DSCAM: variants seen among roughly 807,000 people sequenced by gnomAD.
The protein encoded by DSCAM is DS cell adhesion molecule.
In DSCAM, 47 loss-of-function variants were observed where a neutral mutation model predicts 217.7. The ratio of observed to expected loss-of-function variants is 0.22; its 90% CI spans 0.17 to 0.28. The LOEUF is 0.28. Ranked by LOEUF, DSCAM falls within the 10% of genes least tolerant of loss-of-function variation. The probability of loss-of-function intolerance (pLI) is 1.00; values close to 1 mark genes in which losing one functional copy is unlikely to be tolerated. For synonymous variants in DSCAM, 1,056 were observed against 1,015.3 expected (o/e 1.04, Z -0.76); for missense variants, 2,080 against 2,618.3 (o/e 0.79, Z 4.49).
intron 16 of DSCAM, among the ~76,000 whole-genome samples, chr21:40,157,425 G>C (rs1014088963): frequency 8.5e-5 from 13 of 152,220 alleles, no homozygotes; most frequent in African/African-American, 2.4e-4. Flanking sequence ...GAGAAAGGTT[G>C]ACAGGAGAGG....
At chr21:40,109,527 G>A (rs1212466603) in intron 20 of DSCAM, among the ~76,000 whole-genome samples, 1 of 152,192 alleles carries the variant, frequency 6.6e-6, no homozygotes, top group Admixed American at 6.5e-5. Flanking sequence ...ATTTCCAACT[G>A]AGGTACCGGG....
rs2089544533 is a variant in DSCAM, at chr21:40,087,205, C to T, written c.3933G>A (p.Gly1311=). ...KDIVLPCKAV[G]DPSPAVKWMK... is the part of the protein sequence containing the mutation. ...TCCATTTGACTGCAGGAGAAGGGTC[C>T]CCAACAGCCTTACAAGGCAAGACAA... Residue 1311 remains glycine, a synonymous_variant, in exon 22 of 33, where the codon GGG becomes GGA. Coordinates refer to ENST00000400454, the MANE Select transcript of DSCAM (RefSeq NM_001389.5). 1 of 1,613,922 alleles carries T rather than the reference C, an allele frequency of 6.2e-7. No individual in the cohort carries two copies. The highest frequency in any genetic ancestry group is 8.5e-7 in the Non-Finnish European group (1 of 1,179,980).
At chr21:40,250,915 C>T (rs1002125508) in intron 11 of DSCAM, among the ~76,000 whole-genome samples, 32 of 152,202 alleles carry the variant, frequency 2.1e-4, no homozygotes, top group Admixed American at 1.6e-3. Context: ...TCCTTCTTGG[C>T]GTCTTTCCCT....
At chr21:40,485,333 C>G (rs1259692502) in intron 3 of DSCAM, among the ~76,000 whole-genome samples, 2 of 151,196 alleles carry the variant, frequency 1.3e-5, no homozygotes, top group African/African-American at 2.4e-5. Context: ...AGCTCCGCCT[C>G]CCAGGTTCAC....
chr21:40,088,295 G>A (rs1264347723), intron 21 of DSCAM, among the ~76,000 whole-genome samples: 2 of 152,128 alleles, frequency 1.3e-5, no homozygotes, highest in African/African-American at 4.8e-5. Context: ...GGACAAATGT[G>A]AGACCCCTGC....
At chr21:40,595,408 G>C (rs2077014181) in intron 3 of DSCAM, among the ~76,000 whole-genome samples, 1 of 151,804 alleles carries the variant, frequency 6.6e-6, no homozygotes, top group African/African-American at 2.4e-5. Context: ...AGGAAGGAAG[G>C]AAGGAAAAGA....
chr21:40,240,349 GTTTTTTTTTTT>G (rs749073872), intron 11 of DSCAM, among the ~76,000 whole-genome samples: 11 of 57,722 alleles, frequency 1.9e-4, no homozygotes, highest in East Asian at 4.6e-4. Flanking sequence ...TTCCTCACTG[GTTTTTTTTTTT>G]TTTTTTTTTT....
intron 3 of DSCAM, among the ~76,000 whole-genome samples, chr21:40,664,381 A>G (rs953247230): frequency 1.8e-4 from 27 of 152,144 alleles, no homozygotes; most frequent in African/African-American, 6.5e-4. Context: ...CAATATCAGA[A>G]ATTGAGGAGG....
intron 3 of DSCAM, among the ~76,000 whole-genome samples, chr21:40,611,897 A>G (rs1372278708): frequency 1.3e-5 from 2 of 152,258 alleles, no homozygotes; most frequent in African/African-American, 4.8e-5. Context: ...ACTAAGTGAC[A>G]TTTAAACAGA....
rs114535177 is a variant in DSCAM at position 40,219,878 on chromosome 21, T to G, written c.2357-30640A>C. Among the ~76,000 whole-genome samples the G allele has an allele frequency of 4.4e-3, 673 of 152,338 alleles. 7 individuals are homozygous for G. The highest frequency in any genetic ancestry group is 0.016 in the African/African-American group (652 of 41,582). The stretch of plus-strand genomic sequence containing the variant: ...GGTAGAAATCTTACATATGTTTACT[T>G]TTGTTATATATACACCAAATAGCAT... On this transcript the variant is annotated intron_variant, in intron 11 of 32. Coordinates refer to ENST00000400454, the MANE Select transcript of DSCAM (RefSeq NM_001389.5).
intron 16 of DSCAM, among the ~76,000 whole-genome samples, chr21:40,150,453 TTTAAA>T (rs1209345515): frequency 1.3e-5 from 2 of 152,248 alleles, no homozygotes; most frequent in African/African-American, 4.8e-5. Context: ...TAGAAATGCA[TTTAAA>T]TTAAAGAAAT....
chr21:40,202,912 A>G (rs1308173368), intron 11 of DSCAM, among the ~76,000 whole-genome samples: 1 of 152,242 alleles, frequency 6.6e-6, no homozygotes, highest in African/African-American at 2.4e-5. Flanking sequence ...CTATGCTAGT[A>G]TCAAGGACAT....
intron 3 of DSCAM, among the ~76,000 whole-genome samples, chr21:40,531,186 T>C (rs2076443598): frequency 6.6e-6 from 1 of 152,166 alleles, no homozygotes; most frequent in African/African-American, 2.4e-5. Flanking sequence ...CAGGACATGG[T>C]GGTTTACAGT....
At chr21:40,194,141 C>G (rs2837483) in intron 11 of DSCAM, among the ~76,000 whole-genome samples, 60,333 of 151,984 alleles carry the variant, frequency 0.4, 12,069 homozygotes, top group South Asian at 0.44. Context: ...GCACACAATA[C>G]TCCTCAGTTT....
At chr21:40,294,048 TG>T (rs1328014112) in intron 10 of DSCAM, among the ~76,000 whole-genome samples, 1 of 152,182 alleles carries the variant, frequency 6.6e-6, no homozygotes, top group Admixed American at 6.5e-5. Context: ...GTGATGTTAT[TG>T]GGGGGAATTT....
intron 10 of DSCAM, among the ~76,000 whole-genome samples, chr21:40,292,385 C>A (rs574051736): frequency 6.6e-6 from 1 of 151,854 alleles, no homozygotes; most frequent in African/African-American, 2.4e-5. Flanking sequence ...GTGATCATTT[C>A]ATTGAAAGAA....
intron 10 of DSCAM, among the ~76,000 whole-genome samples, chr21:40,292,516 A>C (rs997907838): frequency 1.3e-5 from 2 of 152,004 alleles, no homozygotes; most frequent in African/African-American, 4.8e-5. Flanking sequence ...AAAAAAGCCT[A>C]ATATCCAGTA....
chr21:40,428,303 T>C (rs921421974), intron 3 of DSCAM, among the ~76,000 whole-genome samples: 2 of 149,928 alleles, frequency 1.3e-5, no homozygotes, highest in Non-Finnish European at 3.0e-5. Flanking sequence ...GGAGTTTTGC[T>C]CTTGGTGTCC....
At chr21:40,535,368 G>A (rs2076487362) in intron 3 of DSCAM, among the ~76,000 whole-genome samples, 1 of 152,148 alleles carries the variant, frequency 6.6e-6, no homozygotes, top group Non-Finnish European at 1.5e-5. Context: ...TTAGGGTGTG[G>A]TTTAAATGTG....
Sources: gnomAD v4.1 joint callset for allele counts (sites outside exome capture counted in the v4.1 genomes callset) on GRCh38, gnomAD v4.1.1 for gene constraint, MANE v1.5 for transcripts, NCBI Gene and HGNC (gene_info 2026-07-23, HGNC 2026-07-21) for gene names.